Variants in ADGRG6 observed in about 807,000 individuals in gnomAD.
ADGRG6 encodes the protein adhesion G protein-coupled receptor G6, also known as G-protein coupled receptor 126.
ADGRG6 carries 84 observed loss-of-function variants against 142.4 expected under a neutral mutation model. The ratio of observed to expected loss-of-function variants is 0.59; its 90% CI spans 0.49 to 0.71. The LOEUF (loss-of-function observed/expected upper bound fraction) is 0.71, where lower values mean the gene tolerates loss of function less well. Among genes scored for constraint, ADGRG6 ranks in the 30% least tolerant of loss-of-function variants. ADGRG6 has a pLI of 0.00. For missense variants in ADGRG6, 1,367 were observed against 1,466.6 expected (o/e 0.93, Z 1.11); for synonymous variants, 521 against 520.5 (o/e 1.00, Z -0.01).
chr6:142,323,006 G>A (rs1021609202), intron 2 of ADGRG6, among the ~76,000 whole-genome samples: 1 of 152,038 alleles, frequency 6.6e-6, no homozygotes, highest in African/African-American at 2.4e-5. Context: ...TTCTGCCCTG[G>A]TTACTGACTT....
At chr6:142,360,272 G>A (rs12190271) in intron 2 of ADGRG6, among the ~76,000 whole-genome samples, 30,184 of 152,066 alleles carry the variant, frequency 0.2, 3,045 homozygotes, top group South Asian at 0.23. Flanking sequence ...ATATTGAGTA[G>A]GTATTTGCAA....
intron 2 of ADGRG6, among the ~76,000 whole-genome samples, chr6:142,321,126 A>G (rs1480210079): frequency 6.6e-6 from 1 of 152,018 alleles, no homozygotes; most frequent in Admixed American, 6.6e-5. Context: ...GATAAAGATA[A>G]AAATGTAATT....
intron 2 of ADGRG6, among the ~76,000 whole-genome samples, chr6:142,343,775 A>G (rs1779769501): frequency 6.6e-6 from 1 of 151,926 alleles, no homozygotes; most frequent in Admixed American, 6.6e-5. Flanking sequence ...TGTGCAGTTC[A>G]ATCACTTATT....
At chr6:142,335,196 T>C (rs1045117296) in intron 2 of ADGRG6, among the ~76,000 whole-genome samples, 1 of 152,236 alleles carries the variant, frequency 6.6e-6, no homozygotes, top group East Asian at 1.9e-4. Flanking sequence ...ATGGGGAACC[T>C]TGAATTTCAG....
At chr6:142,403,063 A>T (rs1775615561) in intron 13 of ADGRG6, among the ~76,000 whole-genome samples, 1 of 151,922 alleles carries the variant, frequency 6.6e-6, no homozygotes, top group African/African-American at 2.4e-5. Context: ...AAGCATAAGC[A>T]GTCTTTCATT....
intron 2 of ADGRG6, among the ~76,000 whole-genome samples, chr6:142,318,544 T>C (rs927485192): frequency 1.4e-5 from 2 of 147,972 alleles, no homozygotes; most frequent in African/African-American, 2.5e-5. Flanking sequence ...GAAAAAATAA[T>C]AGGATGCAGT....
At chr6:142,420,178 A>G (rs903501590) in intron 22 of ADGRG6, 74 bp downstream of exon 22, 33 of 1,139,352 alleles carry the variant, frequency 2.9e-5, no homozygotes, top group African/African-American at 1.5e-4. Flanking sequence ...ACTTTTGGAC[A>G]GATGCCATGT....
chr6:142,310,668 G>T (rs1275318797), intron 2 of ADGRG6, among the ~76,000 whole-genome samples: 2 of 151,810 alleles, frequency 1.3e-5, no homozygotes, highest in South Asian at 4.1e-4. Flanking sequence ...TGTTTTAAGA[G>T]TTTCAGTTAT....
intron 7 of ADGRG6, 47 bp downstream of exon 7, chr6:142,390,390 C>G (rs750028473): frequency 3.8e-5 from 39 of 1,039,302 alleles, no homozygotes; most frequent in Non-Finnish European, 4.9e-5. Flanking sequence ...TCTTTAACTT[C>G]TGGGAATCTG....
chr6:142,338,972 T>C (rs1418631301), intron 2 of ADGRG6, among the ~76,000 whole-genome samples: 5 of 152,202 alleles, frequency 3.3e-5, no homozygotes, highest in African/African-American at 1.2e-4. Context: ...CCACATTTTA[T>C]TGGATGTGAT....
At chr6:142,309,496 G>C (rs370370407) in intron 1 of ADGRG6, 48 bp from the exon 2 acceptor site, 2 of 1,307,704 alleles carry the variant, frequency 1.5e-6, no homozygotes, top group African/African-American at 2.9e-5. Flanking sequence ...TTGTCATAAT[G>C]CTTTACTGAA....
chr6:142,439,815 C>A (rs1400709026), intron 24 of ADGRG6, among the ~76,000 whole-genome samples: 1 of 151,774 alleles, frequency 6.6e-6, no homozygotes, highest in Non-Finnish European at 1.5e-5. Context: ...CTTAAGAATA[C>A]CTGTGTAAAT....
chr6:142,404,197 A>G (rs1775680655), intron 14 of ADGRG6: 1 of 499,794 alleles, frequency 2.0e-6, no homozygotes, highest in Non-Finnish European at 3.5e-6. Context: ...TACCTTCTAC[A>G]AGAGGGGTTA....
intron 22 of ADGRG6, among the ~76,000 whole-genome samples, chr6:142,430,060 A>G (rs1482947944): frequency 6.6e-6 from 1 of 152,078 alleles, no homozygotes; most frequent in Non-Finnish European, 1.5e-5. Flanking sequence ...CAGGGGAAAA[A>G]AAAGAAAAAC....
At chr6:142,402,944 T>G (rs1259501533) in intron 13 of ADGRG6, 114 bp downstream of exon 13, 2 of 584,672 alleles carry the variant, frequency 3.4e-6, no homozygotes, top group Non-Finnish European at 5.9e-6. Flanking sequence ...CTCTGCAAGA[T>G]GTATTGATAG....
intron 11 of ADGRG6, among the ~76,000 whole-genome samples, chr6:142,401,277 G>A (rs1313976196): frequency 6.6e-6 from 1 of 152,222 alleles, no homozygotes; most frequent in Non-Finnish European, 1.5e-5. Context: ...AGTTTGAAAT[G>A]TGGCTCCATC....
At chr6:142,412,095 A>C (rs926318491) in intron 18 of ADGRG6, among the ~76,000 whole-genome samples, 3 of 152,164 alleles carry the variant, frequency 2.0e-5, no homozygotes, top group African/African-American at 7.2e-5. Flanking sequence ...GATTGCGTCA[A>C]TGTGTTTTTC....
In ADGRG6 at chr6:142,383,050, T is replaced by TA. The variant is rs766837288; in HGVS notation, c.1139-703dup. On this transcript the variant is annotated intron_variant, in intron 5 of 24. Coordinates refer to ENST00000367609, the MANE Select transcript of ADGRG6 (RefSeq NM_198569.3). The stretch of plus-strand genomic sequence containing the variant: ...GTGGTTTTCAAATTGTTATATGAAA[T>TA]AAAAAAATCTGTAATTCTGTTTAGT... Among the ~76,000 whole-genome samples, 11 of 152,144 alleles carry TA rather than the reference T, an allele frequency of 7.2e-5. No individual in the cohort carries two copies. In the East Asian group the frequency reaches 1.2e-3, roughly 16 times the overall value.
chr6:142,388,843 G>T (rs913787856), intron 6 of ADGRG6, among the ~76,000 whole-genome samples: 1 of 151,944 alleles, frequency 6.6e-6, no homozygotes, highest in Non-Finnish European at 1.5e-5. Context: ...ATATTATCAG[G>T]ATCCTGAAAT....
Sources: gnomAD v4.1 joint callset for allele counts (sites outside exome capture counted in the v4.1 genomes callset) on GRCh38, gnomAD v4.1.1 for gene constraint, MANE v1.5 for transcripts, NCBI Gene and HGNC (gene_info 2026-07-23, HGNC 2026-07-21) for gene names.